Variants in CADM1 observed in about 807,000 individuals in gnomAD.
CADM1 encodes cell adhesion molecule 1.
CADM1 carries 15 observed loss-of-function variants against 53.1 expected under a neutral mutation model. That is an observed-to-expected ratio of 0.28 (90% CI 0.19 to 0.44). CADM1 has a LOEUF of 0.44. Among genes scored for constraint, CADM1 ranks in the 20% least tolerant of loss-of-function variants. CADM1 has a pLI of 1.00. For synonymous variants in CADM1, 281 were observed against 243.0 expected (o/e 1.16, Z -1.45); for missense variants, 434 against 611.3 (o/e 0.71, Z 3.06).
At chr11:115,502,314 C>T (rs1251023673) in intron 1 of CADM1, among the ~76,000 whole-genome samples, 1 of 149,414 alleles carries the variant, frequency 6.7e-6, no homozygotes, top group Non-Finnish European at 1.5e-5. Flanking sequence ...CACAGCTTTC[C>T]ACCGCCCCCC....
chr11:115,405,378 C>T (rs1440540235), intron 1 of CADM1, among the ~76,000 whole-genome samples: 1 of 152,200 alleles, frequency 6.6e-6, no homozygotes, highest in Non-Finnish European at 1.5e-5. Flanking sequence ...CCCACAGCAC[C>T]TATGCTACCA....
At chr11:115,373,624 GA>G (rs1179085466) in intron 1 of CADM1, among the ~76,000 whole-genome samples, 1 of 125,158 alleles carries the variant, frequency 8.0e-6, no homozygotes, top group Admixed American at 7.9e-5. Context: ...AGAAGAAGAA[GA>G]AAGAATGTGG....
intron 1 of CADM1, among the ~76,000 whole-genome samples, chr11:115,477,393 TAAG>T (rs1288351107): frequency 1.3e-5 from 2 of 152,202 alleles, no homozygotes; most frequent in Admixed American, 6.5e-5. Context: ...TGGTTATTTC[TAAG>T]AAGAGGAATT....
chr11:115,254,399 A>G (rs4936325), intron 1 of CADM1, among the ~76,000 whole-genome samples: 20,597 of 152,038 alleles, frequency 0.14, 1,524 homozygotes, highest in South Asian at 0.31. Context: ...ATTATTTCCA[A>G]TTGTATATTT....
Position 115,174,312 on chromosome 11 carries a change from GAAC to G in CADM1, c.*2159_*2161del. 1.0e-6 allele frequency: 1 copy of G among 983,492 alleles called. No individual in the cohort carries two copies. The highest frequency in any genetic ancestry group is 1.2e-6 in the Non-Finnish European group (1 of 828,844). The allele number at this position is 983,492 out of a possible 1,614,324, so 60.9% of individuals were successfully genotyped here. A position where few individuals can be genotyped will look rare whatever the true frequency, so the allele number is the denominator to read the frequency against. Reference sequence around the variant, plus strand: ...TTTTGTTTTTCTTTTTTTCTAAAAAGAACAACTGAAAAAAAACCTTTCAACAAC... The same window carrying G: ...TTTTGTTTTTCTTTTTTTCTAAAAAGAACTGAAAAAAAACCTTTCAACAAC... On this transcript the variant is annotated 3_prime_UTR_variant, in exon 12 of 12. Transcript: ENST00000331581.
intron 1 of CADM1, among the ~76,000 whole-genome samples, chr11:115,280,648 G>A (rs1000028413): frequency 1.4e-4 from 22 of 152,162 alleles, no homozygotes; most frequent in African/African-American, 4.6e-4. Flanking sequence ...ACAAATCAAA[G>A]CAGGCCTCCT....
In CADM1 at chr11:115,213,172, G is replaced by A. The variant is rs138819885; in HGVS notation, c.994+1436C>T. Among the ~76,000 whole-genome samples the A allele has an allele frequency of 8.7e-4, 133 of 152,238 alleles. 1 individual carries two copies. Among genetic ancestry groups the A allele is most frequent in the Middle Eastern group, 6.8e-3 (2 of 294 alleles). On this transcript the variant is annotated intron_variant, in intron 7 of 11. Coordinates refer to ENST00000331581, the MANE Select transcript of CADM1 (RefSeq NM_001301043.2). ...GCAATGTCGGGGACTCCCATGAGGC[G>A]CAGGCCCTTGTGTGAAGAGAGCACA... is the stretch of plus-strand genomic sequence containing the variant.
chr11:115,212,239 C>T (rs776731864), intron 7 of CADM1, among the ~76,000 whole-genome samples: 65 of 152,226 alleles, frequency 4.3e-4, no homozygotes, highest in Non-Finnish European at 8.2e-4. Context: ...GAAGTTGCTT[C>T]TAGAGAGTTA....
chr11:115,184,841 C>A (rs530133250), intron 10 of CADM1, among the ~76,000 whole-genome samples: 2 of 152,326 alleles, frequency 1.3e-5, no homozygotes, highest in East Asian at 3.9e-4. Flanking sequence ...TTTGGCTGTA[C>A]CTTGTCACTA....
intron 1 of CADM1, among the ~76,000 whole-genome samples, chr11:115,359,286 C>G (rs564868653): frequency 6.6e-6 from 1 of 152,088 alleles, no homozygotes; most frequent in South Asian, 2.1e-4. Flanking sequence ...TTCCCTTTAG[C>G]AGATTATTAA....
chr11:115,177,212 G>A (rs998122323), intron 11 of CADM1, among the ~76,000 whole-genome samples: 11 of 152,198 alleles, frequency 7.2e-5, no homozygotes, highest in African/African-American at 2.7e-4. Context: ...ATCAAGGTTT[G>A]GGATCTGTCT....
intron 1 of CADM1, among the ~76,000 whole-genome samples, chr11:115,301,482 C>T (rs911009258): frequency 8.5e-5 from 13 of 152,108 alleles, no homozygotes; most frequent in African/African-American, 2.9e-4. Flanking sequence ...TAACCCTAGT[C>T]TTTCAGAGTC....
At position 115,175,375 on chromosome 11, in the gene CADM1, G is replaced by GA. The variant is rs56789298; in HGVS notation, c.*1098dup. On this transcript the variant is annotated 3_prime_UTR_variant, in exon 12 of 12. Coordinates refer to ENST00000331581, the MANE Select transcript of CADM1 (RefSeq NM_001301043.2). ...ACTGCCTTCCTAACTAAGCACAAAG[G>GA]AAAAAAAAAAAAAAATCAACTCTGT... 0.15 allele frequency: 135,739 copies of GA among 895,578 alleles called. 2,132 individuals carry two copies. Among genetic ancestry groups the GA allele is most frequent in the East Asian group, 0.29 (2,339 of 8,054 alleles). The allele number at this position is 895,578 out of a possible 1,614,324, so 55.5% of individuals were successfully genotyped here.
Position 115,202,019 on chromosome 11 carries a change from T to A in CADM1, c.1079-3581A>T, listed in dbSNP as rs374236074. Among the ~76,000 whole-genome samples, 5 of 152,292 alleles carry A rather than the reference T, an allele frequency of 3.3e-5. No individual in the cohort carries two copies. In the East Asian group the frequency reaches 7.7e-4, roughly 23 times the overall value. Reference sequence around the variant, plus strand: ...AGCAATATTATTTGAAAGATGCACATTCTACTCAAAATTGACTTCTCTTCT... The same window carrying A: ...AGCAATATTATTTGAAAGATGCACAATCTACTCAAAATTGACTTCTCTTCT... On this transcript the variant is annotated intron_variant, in intron 8 of 11. Transcript: ENST00000331581.
chr11:115,330,893 G>A (rs1274006031), intron 1 of CADM1, among the ~76,000 whole-genome samples: 1 of 152,144 alleles, frequency 6.6e-6, no homozygotes, highest in Admixed American at 6.5e-5. Context: ...GAAGGAGCAT[G>A]TTAGCAGCTG....
rs549802651 is a variant in CADM1, at chr11:115,490,703, A to T, written c.124+13568T>A. On this transcript the variant is annotated intron_variant, in intron 1 of 11. Coordinates refer to ENST00000331581, the MANE Select transcript of CADM1 (RefSeq NM_001301043.2). Reference sequence around the variant, plus strand: ...GAGAGCCACCATGCCCGGCCAGAACAGATGTGAAGTTCAGTTTTAGACGTC... The same window carrying T: ...GAGAGCCACCATGCCCGGCCAGAACTGATGTGAAGTTCAGTTTTAGACGTC... Among the ~76,000 whole-genome samples, 27 of 152,054 alleles carry T rather than the reference A, an allele frequency of 1.8e-4. No homozygotes were observed. In the South Asian group the frequency reaches 5.2e-3, roughly 29 times the overall value.
At chr11:115,318,844 G>A (rs1944744780) in intron 1 of CADM1, among the ~76,000 whole-genome samples, 1 of 152,142 alleles carries the variant, frequency 6.6e-6, no homozygotes, top group Non-Finnish European at 1.5e-5. Flanking sequence ...AATGCAGTAA[G>A]GATCTGTAAT....
chr11:115,373,645 A>C lies in CADM1; in HGVS notation c.124+130626T>G, dbSNP rs555771871. On this transcript the variant is annotated intron_variant, in intron 1 of 11. Coordinates refer to ENST00000331581, the MANE Select transcript of CADM1 (RefSeq NM_001301043.2). The stretch of plus-strand genomic sequence containing the variant: ...AGAAGAAAGAATGTGGACAATCAAC[A>C]AAGAAAAGGGGGATTCTAAGAAGAA... Among the ~76,000 whole-genome samples, 12 of 151,940 alleles carry C rather than the reference A, an allele frequency of 7.9e-5. No individual in the cohort carries two copies. The South Asian group carries it at 1.5e-3, about 18-fold the overall frequency.
intron 1 of CADM1, among the ~76,000 whole-genome samples, chr11:115,250,551 G>A (rs1283592049): frequency 1.3e-5 from 2 of 152,002 alleles, no homozygotes; most frequent in Non-Finnish European, 2.9e-5. Context: ...CATGTATAGA[G>A]GCAAGAAAAA....
Sources: gnomAD v4.1 joint callset for allele counts (sites outside exome capture counted in the v4.1 genomes callset) on GRCh38, gnomAD v4.1.1 for gene constraint, MANE v1.5 for transcripts, NCBI Gene and HGNC (gene_info 2026-07-23, HGNC 2026-07-21) for gene names.